CD47: variants seen among roughly 807,000 people sequenced by gnomAD.
CD47 encodes CD47 molecule.
CD47 carries 11 observed loss-of-function variants against 44.6 expected under a neutral mutation model. The ratio of observed to expected loss-of-function variants is 0.25; its 90% confidence interval spans 0.16 to 0.41. The LOEUF (loss-of-function observed/expected upper bound fraction) is 0.41, where lower values mean the gene tolerates loss of function less well. CD47 is among the 10% of genes least tolerant of loss of function. The probability of loss-of-function intolerance (pLI) is 1.00; values close to 1 mark genes in which losing one functional copy is unlikely to be tolerated. For missense variants in CD47, 306 were observed against 386.7 expected, an observed-to-expected ratio of 0.79 and a Z score of 1.75; for synonymous variants, 140 against 136.3, an observed-to-expected ratio of 1.03 and a Z score of -0.19.
intron 1 of CD47, among the ~76,000 whole-genome samples, chr3:108,084,040 GGTGTTGTTTTTGTGT>G (rs1371142276): frequency 6.6e-6 from 1 of 151,456 alleles, no homozygotes; most frequent in Non-Finnish European, 1.5e-5. Context: ...CCATTTACAA[GGTGTTGTTTTTGTGT>G]GTGTCTTTAA....
intron 2 of CD47, among the ~76,000 whole-genome samples, chr3:108,071,917 C>T (rs1293977060): frequency 1.3e-5 from 2 of 152,088 alleles, no homozygotes; most frequent in Non-Finnish European, 2.9e-5. Context: ...CATAATTAGG[C>T]TTCAGAAGGA....
chr3:108,067,205 AAC>A (rs1468425789), intron 3 of CD47, among the ~76,000 whole-genome samples: 1 of 152,278 alleles, frequency 6.6e-6, no homozygotes, highest in Non-Finnish European at 1.5e-5. Context: ...TATTGATAAT[AAC>A]AGAGTTTTTA....
intron 2 of CD47, among the ~76,000 whole-genome samples, chr3:108,074,773 T>G (rs1259611031): frequency 6.6e-6 from 1 of 151,896 alleles, no homozygotes; most frequent in African/African-American, 2.4e-5. Flanking sequence ...AAATCACTGC[T>G]GCACATTTCT....
chr3:108,060,457 GC>G (rs2078990225), intron 4 of CD47, among the ~76,000 whole-genome samples: 1 of 152,198 alleles, frequency 6.6e-6, no homozygotes, highest in African/African-American at 2.4e-5. Flanking sequence ...GTGGAGTTAT[GC>G]TGCCGCAAAC....
intron 1 of CD47, among the ~76,000 whole-genome samples, chr3:108,083,896 C>CT (rs34994254): frequency 0.011 from 1,510 of 138,012 alleles, 9 homozygotes; most frequent in Non-Finnish European, 0.012. Flanking sequence ...CTATCCACAC[C>CT]TTTTTTTTTT....
In CD47 at chr3:108,072,797, T is replaced by G. The variant is rs545027701; in HGVS notation, c.401-1615A>C. 3.9e-5 allele frequency among the ~76,000 whole-genome samples: 6 copies of G among 152,330 alleles called. No individual in the cohort carries two copies. The East Asian group carries it at 1.2e-3, about 29-fold the overall frequency. Reference sequence around the variant, plus strand: ...GGCTGTATGGTCTAATAGCCATGCTTAATTGATGTATTTTTCCTTACTTCC... The same window carrying G: ...GGCTGTATGGTCTAATAGCCATGCTGAATTGATGTATTTTTCCTTACTTCC... On this transcript the variant is annotated intron_variant, in intron 2 of 10. Coordinates refer to ENST00000361309, the MANE Select transcript of CD47 (RefSeq NM_001777.4).
chr3:108,086,009 T>C (rs1405805329), intron 1 of CD47, among the ~76,000 whole-genome samples: 1 of 152,098 alleles, frequency 6.6e-6, no homozygotes, highest in Non-Finnish European at 1.5e-5. Flanking sequence ...TAGAGGGTGA[T>C]GTTTAAACTG....
chr3:108,081,752 G>C (rs962681280), intron 1 of CD47, among the ~76,000 whole-genome samples: 3 of 151,874 alleles, frequency 2.0e-5, no homozygotes, highest in African/African-American at 4.8e-5. Flanking sequence ...AAAACATAGC[G>C]GCAAGTGCTC....
At chr3:108,057,289 T>C (rs888780361) in intron 7 of CD47, among the ~76,000 whole-genome samples, 188 bp downstream of exon 7, 1 of 152,184 alleles carries the variant, frequency 6.6e-6, no homozygotes, top group African/African-American at 2.4e-5. Flanking sequence ...TTTTCTGACT[T>C]CTGGTCTTAA....
intron 3 of CD47, among the ~76,000 whole-genome samples, chr3:108,068,669 T>C (rs2079145453): frequency 6.6e-6 from 1 of 152,174 alleles, no homozygotes; most frequent in Admixed American, 6.5e-5. Flanking sequence ...CTGTTTCTTA[T>C]CTACAAAACG....
chr3:108,090,930 G>A lies in CD47; in HGVS notation c.-22C>T, dbSNP rs1277998137. ...ACATCTCCGCGCCCGCCGCGGGGTCGCCGCCGCCGCCGCAGGTGTCCGGAG... is the reference window on the plus strand; with the variant it reads ...ACATCTCCGCGCCCGCCGCGGGGTCACCGCCGCCGCCGCAGGTGTCCGGAG... On this transcript the variant is annotated 5_prime_UTR_variant, in exon 1 of 11. Coordinates refer to ENST00000361309, the MANE Select transcript of CD47 (RefSeq NM_001777.4). 2 of 1,423,042 alleles carry A rather than the reference G, an allele frequency of 1.4e-6. No homozygotes were observed. The highest frequency in any genetic ancestry group is 9.3e-7 in the Non-Finnish European group (1 of 1,078,552). The allele number at this position is 1,423,042 out of a possible 1,614,324, so 88.2% of individuals were successfully genotyped here.
At chr3:108,083,486 T>C (rs2079456135) in intron 1 of CD47, among the ~76,000 whole-genome samples, 1 of 151,990 alleles carries the variant, frequency 6.6e-6, no homozygotes, top group Non-Finnish European at 1.5e-5. Context: ...GATGAAAAAA[T>C]ATAGTTATTA....
rs972204912 is a variant in CD47 at position 108,044,891 on chromosome 3, G to A, written c.*2397C>T. The A allele has an allele frequency of 6.6e-6, 1 of 152,622 alleles. No homozygotes were observed. Among genetic ancestry groups the A allele is most frequent in the African/African-American group, 2.4e-5 (1 of 41,442 alleles). 9.5% of individuals were successfully genotyped at this position (152,622 alleles called of 1,614,324 possible). A position where few individuals can be genotyped will look rare whatever the true frequency, so the allele number is the denominator to read the frequency against. On this transcript the variant is annotated 3_prime_UTR_variant, in exon 11 of 11. Transcript: ENST00000361309. ...GTCAACAGCAGAAACTGGGATCAGG[G>A]AGTAAAAAGCATATTATGGGACAAA...
chr3:108,062,451 G>C (rs990745590), intron 3 of CD47, among the ~76,000 whole-genome samples: 1 of 151,886 alleles, frequency 6.6e-6, no homozygotes, highest in African/African-American at 2.4e-5. Context: ...TTCTGCAAAG[G>C]GTTATAAAGT....
At chr3:108,069,873 C>T (rs973606367) in intron 3 of CD47, among the ~76,000 whole-genome samples, 1 of 152,188 alleles carries the variant, frequency 6.6e-6, no homozygotes, top group Non-Finnish European at 1.5e-5. Flanking sequence ...CTTAATGCTA[C>T]ACCAGTCCTT....
At chr3:108,078,395 T>C (rs1028436772) in intron 2 of CD47, among the ~76,000 whole-genome samples, 5 of 152,056 alleles carry the variant, frequency 3.3e-5, no homozygotes, top group Non-Finnish European at 5.9e-5. Flanking sequence ...CTTCATTTCA[T>C]CTTCTGGCCT....
intron 9 of CD47, among the ~76,000 whole-genome samples, 190 bp from the exon 10 acceptor site, chr3:108,049,841 T>G (rs1339803874): frequency 6.6e-6 from 1 of 152,184 alleles, no homozygotes; most frequent in Non-Finnish European, 1.5e-5. Flanking sequence ...GGAAACAGAC[T>G]TAGTTGGGAA....
In CD47 at chr3:108,090,851, G is replaced by A. The variant is rs1481762982; in HGVS notation, c.46+12C>T. 3.4e-6 allele frequency: 5 copies of A among 1,486,730 alleles called. No homozygotes were observed. Among genetic ancestry groups the A allele is most frequent in the Non-Finnish European group, 4.4e-6 (5 of 1,123,950 alleles). The allele number at this position is 1,486,730 out of a possible 1,614,324, so 92.1% of individuals were successfully genotyped here. A position where few individuals can be genotyped will look rare whatever the true frequency, so the allele number is the denominator to read the frequency against. On this transcript the variant is annotated intron_variant, in intron 1 of 10. Coordinates refer to ENST00000361309, the MANE Select transcript of CD47 (RefSeq NM_001777.4). ...ACAGCAGCCGCAGGGCTGGGAGCGA[G>A]GAGCCACTCACCGCAGCACGCCGAG...
chr3:108,072,412 C>T (rs965951837), intron 2 of CD47, among the ~76,000 whole-genome samples: 5 of 152,196 alleles, frequency 3.3e-5, no homozygotes, highest in African/African-American at 9.7e-5. Flanking sequence ...AAAATGCTTA[C>T]ATCAATCCCC....
Sources: gnomAD v4.1 joint callset for allele counts (sites outside exome capture counted in the v4.1 genomes callset) on GRCh38, gnomAD v4.1.1 for gene constraint, MANE v1.5 for transcripts, NCBI Gene and HGNC (gene_info 2026-07-23, HGNC 2026-07-21) for gene names.